Variants in ZNF644 observed in about 807,000 individuals in gnomAD.
The protein encoded by ZNF644 is zinc finger motif enhancer binding protein 2.
ZNF644 carries 20 observed loss-of-function variants against 108.0 expected under a neutral mutation model. The observed-to-expected ratio is 0.19, with a 90% confidence interval of 0.13 to 0.27. The LOEUF (loss-of-function observed/expected upper bound fraction) is 0.27, where lower values mean the gene tolerates loss of function less well. Among genes scored for constraint, ZNF644 ranks in the 10% least tolerant of loss-of-function variants. The probability of loss-of-function intolerance (pLI) is 1.00; values close to 1 mark genes in which losing one functional copy is unlikely to be tolerated. For missense variants in ZNF644, 1,338 were observed against 1,548.9 expected, an observed-to-expected ratio of 0.86 and a Z score of 2.29; for synonymous variants, 542 against 539.1, an observed-to-expected ratio of 1.01 and a Z score of -0.08.
At chr1:90,998,930 C>T (rs1364918976) in intron 1 of ZNF644, among the ~76,000 whole-genome samples, 2 of 152,076 alleles carry the variant, frequency 1.3e-5, no homozygotes, top group Non-Finnish European at 1.5e-5. Flanking sequence ...ATCTGATCAA[C>T]TGGAAGAAAG....
At chr1:90,989,216 T>C (rs1014418545) in intron 1 of ZNF644, among the ~76,000 whole-genome samples, 3 of 152,090 alleles carry the variant, frequency 2.0e-5, no homozygotes, top group African/African-American at 7.2e-5. Flanking sequence ...AGTACTTCAA[T>C]GGACAATCCT....
chr1:91,014,100 C>T (rs912559613), intron 1 of ZNF644, among the ~76,000 whole-genome samples: 1 of 152,030 alleles, frequency 6.6e-6, no homozygotes, highest in Non-Finnish European at 1.5e-5. Context: ...TTATGGTGTA[C>T]AACACATTTT....
chr1:90,985,683 A>T (rs560438868), intron 1 of ZNF644, among the ~76,000 whole-genome samples: 9 of 152,240 alleles, frequency 5.9e-5, no homozygotes, highest in African/African-American at 1.9e-4. Context: ...CATATATACC[A>T]CGTTTATCCT....
At chr1:90,937,357 C>T in intron 4 of ZNF644, 128 bp downstream of exon 4, 1 of 1,287,340 alleles carries the variant, frequency 7.8e-7, no homozygotes, top group Non-Finnish European at 1.1e-6. Context: ...AATCTGTGCT[C>T]TGTAAAAAAA....
chr1:90,966,440 A>T (rs186274159), intron 2 of ZNF644, among the ~76,000 whole-genome samples: 1 of 152,228 alleles, frequency 6.6e-6, no homozygotes, highest in African/African-American at 2.4e-5. Flanking sequence ...CCATAGGTTA[A>T]GGTCTAAATT....
chr1:90,916,210 T>A lies in ZNF644; in HGVS notation c.*588A>T, dbSNP rs894220651. On this transcript the variant is annotated 3_prime_UTR_variant, in exon 6 of 6. Transcript: ENST00000337393. Reference sequence around the variant, plus strand: ...CTTGTTTAAACAAATCTCCCTCCACTTTTTAGTATAAAAAAAACCGTTCCA... The same window carrying A: ...CTTGTTTAAACAAATCTCCCTCCACATTTTAGTATAAAAAAAACCGTTCCA... 2 of 152,580 alleles carry A rather than the reference T, an allele frequency of 1.3e-5. No individual in the cohort carries two copies. The highest frequency in any genetic ancestry group is 2.9e-5 in the Non-Finnish European group (2 of 68,062). 9.5% of individuals were successfully genotyped at this position (152,580 alleles called of 1,614,324 possible). A position where few individuals can be genotyped will look rare whatever the true frequency, so the allele number is the denominator to read the frequency against.
At chr1:90,999,738 C>A (rs954617355) in intron 1 of ZNF644, among the ~76,000 whole-genome samples, 1 of 152,148 alleles carries the variant, frequency 6.6e-6, no homozygotes, top group African/African-American at 2.4e-5. Flanking sequence ...AAGACACAGA[C>A]TGGCAAATTG....
rs61799213 is a variant in ZNF644 at position 90,945,514 on chromosome 1, T to C, written c.45-4205A>G. ...ACTTATATGCCTCAAGCTAGACTTATTGTCTCAGAAATCTCAAACATCAGT... is the reference window on the plus strand; with the variant it reads ...ACTTATATGCCTCAAGCTAGACTTACTGTCTCAGAAATCTCAAACATCAGT... On this transcript the variant is annotated intron_variant, in intron 2 of 5. Coordinates refer to ENST00000337393, the MANE Select transcript of ZNF644 (RefSeq NM_201269.3). 2.3e-3 allele frequency among the ~76,000 whole-genome samples: 352 copies of C among 152,230 alleles called. 1 individual carries two copies. The highest frequency in any genetic ancestry group is 3.9e-3 in the Non-Finnish European group (263 of 67,944).
At chr1:90,980,150 G>T (rs991045638) in intron 2 of ZNF644, among the ~76,000 whole-genome samples, 1 of 152,158 alleles carries the variant, frequency 6.6e-6, no homozygotes, top group Non-Finnish European at 1.5e-5. Flanking sequence ...CCAGCACTGT[G>T]CTAAGATAAA....
At chr1:90,983,481 CAAAAAAAAAAAA>C (rs768476839) in intron 1 of ZNF644, among the ~76,000 whole-genome samples, 2 of 63,426 alleles carry the variant, frequency 3.2e-5, no homozygotes, top group African/African-American at 1.1e-4. Context: ...CCTCATATGG[CAAAAAAAAAAAA>C]AAAAAAAAGA....
intron 4 of ZNF644, chr1:90,918,412 T>TAC: frequency 2.3e-6 from 1 of 426,204 alleles, no homozygotes. Flanking sequence ...AATAATGCTT[T>TAC]ACCACACCAA....
At chr1:90,968,433 G>C (rs552927913) in intron 2 of ZNF644, among the ~76,000 whole-genome samples, 4 of 152,210 alleles carry the variant, frequency 2.6e-5, no homozygotes, top group Non-Finnish European at 4.4e-5. Context: ...TCGGTTTTGG[G>C]GGGGGAGCCT....
intron 1 of ZNF644, among the ~76,000 whole-genome samples, chr1:91,019,755 C>T (rs189891189): frequency 6.6e-5 from 10 of 152,100 alleles, no homozygotes; most frequent in African/African-American, 2.2e-4. Flanking sequence ...TTAGTAGAGA[C>T]GGGGTTTCAC....
chr1:90,992,831 G>T (rs1217219361), intron 1 of ZNF644, among the ~76,000 whole-genome samples: 1 of 152,142 alleles, frequency 6.6e-6, no homozygotes, highest in Non-Finnish European at 1.5e-5. Context: ...AGGATCACTT[G>T]AAGCCAGAAG....
chr1:90,963,930 T>G (rs1654582398), intron 2 of ZNF644, among the ~76,000 whole-genome samples: 1 of 152,120 alleles, frequency 6.6e-6, no homozygotes, highest in African/African-American at 2.4e-5. Flanking sequence ...GTATTTAAAT[T>G]TTTAAAAAGA....
At chr1:90,920,800 T>C (rs1009751998) in intron 4 of ZNF644, among the ~76,000 whole-genome samples, 2 of 152,062 alleles carry the variant, frequency 1.3e-5, no homozygotes, top group African/African-American at 2.4e-5. Flanking sequence ...CCTAGAAACT[T>C]ATTCACAAAG....
chr1:90,929,744 T>G (rs891072987), intron 4 of ZNF644, among the ~76,000 whole-genome samples: 2 of 152,198 alleles, frequency 1.3e-5, no homozygotes, highest in African/African-American at 2.4e-5. Flanking sequence ...GTGCTATATG[T>G]TCATTAGTAC....
At chr1:90,918,294 T>C in intron 4 of ZNF644, 140 bp from the exon 5 acceptor site, 1 of 709,466 alleles carries the variant, frequency 1.4e-6, no homozygotes, top group Non-Finnish European at 2.5e-6. Context: ...CCCTGAAGCA[T>C]GCATTCAACT....
intron 1 of ZNF644, among the ~76,000 whole-genome samples, chr1:91,016,515 A>G (rs1660446170): frequency 4.6e-5 from 7 of 152,208 alleles, no homozygotes; most frequent in Admixed American, 4.6e-4. Flanking sequence ...TGTGTATCTA[A>G]ACATAGAACA....
Sources: gnomAD v4.1 joint callset for allele counts (sites outside exome capture counted in the v4.1 genomes callset) on GRCh38, gnomAD v4.1.1 for gene constraint, MANE v1.5 for transcripts, NCBI Gene and HGNC (gene_info 2026-07-23, HGNC 2026-07-21) for gene names.